KITLG: variants seen among roughly 807,000 people sequenced by gnomAD.
KITLG encodes c-Kit ligand.
Under a neutral mutation model 34.1 loss-of-function variants are expected in KITLG, and 13 were observed. That is an observed-to-expected ratio of 0.38 (90% CI 0.25 to 0.61). The LOEUF (loss-of-function observed/expected upper bound fraction) is 0.61, where lower values mean the gene tolerates loss of function less well. Among genes scored for constraint, KITLG ranks in the 20% least tolerant of loss-of-function variants. The pLI is 0.60. For synonymous variants in KITLG, 110 were observed against 104.0 expected (o/e 1.06, Z -0.35); for missense variants, 292 against 318.9 (o/e 0.92, Z 0.64).
chr12:88,533,889 A>G (rs890268734), intron 2 of KITLG, among the ~76,000 whole-genome samples: 1 of 152,112 alleles, frequency 6.6e-6, no homozygotes, highest in Non-Finnish European at 1.5e-5. Flanking sequence ...CTAAGATAGT[A>G]ACTGATCTCA....
chr12:88,571,199 G>A (rs534755501), intron 1 of KITLG, among the ~76,000 whole-genome samples: 4 of 152,290 alleles, frequency 2.6e-5, no homozygotes, highest in Admixed American at 2.0e-4. Flanking sequence ...AATGTTCTGT[G>A]TGATTTACTA....
chr12:88,545,614 T>C, intron 2 of KITLG, 138 bp downstream of exon 2: 1 of 615,294 alleles, frequency 1.6e-6, no homozygotes, highest in Non-Finnish European at 2.9e-6. Context: ...AACCCTTTAT[T>C]GTAACCCAGT....
At chr12:88,578,888 T>C (rs1045563211) in intron 1 of KITLG, among the ~76,000 whole-genome samples, 1 of 152,264 alleles carries the variant, frequency 6.6e-6, no homozygotes, top group Non-Finnish European at 1.5e-5. Context: ...ACTTTTCTTT[T>C]GTTGCAAGAA....
rs1436083541 is a variant in KITLG at position 88,495,158 on chromosome 12, C to T, written c.*2061G>A. Reference sequence around the variant, plus strand: ...AGACCATGTCCATGAGTGTTAAAACCCAGCTACTAGGTTTGAGGACAAAAG... The same window carrying T: ...AGACCATGTCCATGAGTGTTAAAACTCAGCTACTAGGTTTGAGGACAAAAG... On this transcript the variant is annotated 3_prime_UTR_variant, in exon 10 of 10. Coordinates refer to ENST00000644744, the MANE Select transcript of KITLG (RefSeq NM_000899.5). 4.6e-5 allele frequency: 7 copies of T among 151,848 alleles called. No homozygotes were observed. Among genetic ancestry groups the T allele is most frequent in the African/African-American group, 1.7e-4 (7 of 41,370 alleles). 9.4% of individuals were successfully genotyped at this position (151,848 alleles called of 1,614,324 possible).
At chr12:88,519,019 T>C (rs1174945747) in intron 3 of KITLG, 152 bp from the exon 4 acceptor site, 5 of 696,720 alleles carry the variant, frequency 7.2e-6, no homozygotes, top group Non-Finnish European at 1.2e-5. Context: ...CCTGCCACCA[T>C]GCCTGGCTAC....
intron 1 of KITLG, among the ~76,000 whole-genome samples, chr12:88,549,063 C>T (rs11832562): frequency 9.7e-4 from 148 of 152,250 alleles, no homozygotes; most frequent in African/African-American, 3.3e-3. Context: ...GGGAAGAGTA[C>T]TGCATACAGA....
chr12:88,503,829 G>A lies in KITLG; in HGVS notation c.*37+1330C>T, dbSNP rs530333917. On this transcript the variant is annotated intron_variant, in intron 9 of 9. Transcript: ENST00000644744. Reference sequence around the variant, plus strand: ...ATAATGCATAATTATTACTAGTCATGTGGAAGGTGGCAATTGACCTGGAAA... The same window carrying A: ...ATAATGCATAATTATTACTAGTCATATGGAAGGTGGCAATTGACCTGGAAA... Among the ~76,000 whole-genome samples the A allele has an allele frequency of 2.6e-5, 4 of 152,244 alleles. No individual in the cohort carries two copies. The South Asian group carries it at 6.2e-4, about 24-fold the overall frequency.
At chr12:88,511,284 T>C (rs951621062) in intron 6 of KITLG, among the ~76,000 whole-genome samples, 1 of 152,208 alleles carries the variant, frequency 6.6e-6, no homozygotes, top group African/African-American at 2.4e-5. Flanking sequence ...AGACAAATTA[T>C]GAGGCAACTC....
intron 8 of KITLG, among the ~76,000 whole-genome samples, chr12:88,505,736 G>A (rs1333607911): frequency 6.6e-6 from 1 of 152,094 alleles, no homozygotes; most frequent in East Asian, 1.9e-4. Context: ...TAAAATAAAA[G>A]ATATATAAAA....
At chr12:88,515,687 G>T in intron 5 of KITLG, 70 bp from the exon 6 acceptor site, 2 of 1,117,838 alleles carry the variant, frequency 1.8e-6, no homozygotes, top group Non-Finnish European at 2.7e-6. Flanking sequence ...CCTGAAAGGT[G>T]AAGTGCAATA....
At chr12:88,578,589 C>T (rs1320547149) in intron 1 of KITLG, among the ~76,000 whole-genome samples, 1 of 152,188 alleles carries the variant, frequency 6.6e-6, no homozygotes, top group Non-Finnish European at 1.5e-5. Flanking sequence ...ACAGAGCTCA[C>T]ATTTGTTTTG....
chr12:88,492,947 T>C lies in KITLG; in HGVS notation c.*4272A>G. 6.6e-6 allele frequency: 1 copy of C among 152,288 alleles called. No homozygotes were observed. Among genetic ancestry groups the C allele is most frequent in the East Asian group, 1.9e-4 (1 of 5,198 alleles). 9.4% of individuals were successfully genotyped at this position (152,288 alleles called of 1,614,324 possible). On this transcript the variant is annotated 3_prime_UTR_variant, in exon 10 of 10. Coordinates refer to ENST00000644744, the MANE Select transcript of KITLG (RefSeq NM_000899.5). ...CACATACACATCACATTTTACAACC[T>C]TTTTTATTTAATTAAATTTCAGTCA...
At chr12:88,561,503 C>A (rs1871297180) in intron 1 of KITLG, among the ~76,000 whole-genome samples, 1 of 152,200 alleles carries the variant, frequency 6.6e-6, no homozygotes, top group Non-Finnish European at 1.5e-5. Context: ...AAGCTCTTAG[C>A]ACACTCTTAC....
chr12:88,516,204 A>G, intron 5 of KITLG, 130 bp downstream of exon 5: 1 of 782,550 alleles, frequency 1.3e-6, no homozygotes, highest in South Asian at 1.4e-5. Flanking sequence ...TGTGCTATTG[A>G]TATCTGCTTT....
chr12:88,532,880 G>A (rs536594488), intron 2 of KITLG, among the ~76,000 whole-genome samples: 1 of 152,138 alleles, frequency 6.6e-6, no homozygotes, highest in Admixed American at 6.5e-5. Context: ...TTTTATGTCA[G>A]TGGTTCTCAA....
At chr12:88,547,066 C>T (rs898472946) in intron 1 of KITLG, among the ~76,000 whole-genome samples, 8 of 152,178 alleles carry the variant, frequency 5.3e-5, no homozygotes, top group African/African-American at 1.9e-4. Flanking sequence ...ATGACAAAAC[C>T]ATGCAGATGT....
At chr12:88,549,420 A>G in intron 1 of KITLG, among the ~76,000 whole-genome samples, 1 of 152,240 alleles carries the variant, frequency 6.6e-6, no homozygotes, top group East Asian at 1.9e-4. Flanking sequence ...CAATCAAGAA[A>G]GGGTTATAGT....
At chr12:88,572,602 T>TA (rs1202392616) in intron 1 of KITLG, among the ~76,000 whole-genome samples, 1 of 146,122 alleles carries the variant, frequency 6.8e-6, no homozygotes, top group Admixed American at 6.9e-5. Flanking sequence ...TTATTATATA[T>TA]ATATATATAT....
At chr12:88,539,626 AT>A (rs1717313158) in intron 2 of KITLG, among the ~76,000 whole-genome samples, 1 of 152,268 alleles carries the variant, frequency 6.6e-6, no homozygotes, top group South Asian at 2.1e-4. Flanking sequence ...TCAATTAGTG[AT>A]TAAAAATAAA....
Sources: gnomAD v4.1 joint callset for allele counts (sites outside exome capture counted in the v4.1 genomes callset) on GRCh38, gnomAD v4.1.1 for gene constraint, MANE v1.5 for transcripts, NCBI Gene and HGNC (gene_info 2026-07-23, HGNC 2026-07-21) for gene names.